The following ZNF599 variants were observed in gnomAD, a reference collection of about 807,000 sequenced individuals.
ZNF599 encodes the protein zinc finger protein 599.
ZNF599 carries 10 observed loss-of-function variants against 11.7 expected under a neutral mutation model. The ratio of observed to expected loss-of-function variants is 0.86; its 90% CI spans 0.53 to 1.45. The LOEUF (loss-of-function observed/expected upper bound fraction) is 1.45. Among genes scored for constraint, ZNF599 ranks in the 40% most tolerant of loss-of-function variants. The pLI, the probability that ZNF599 is intolerant of heterozygous loss-of-function variation, is 0.00. For synonymous variants in ZNF599, 232 were observed against 253.2 expected (o/e 0.92, Z 0.79); for missense variants, 688 against 713.6 (o/e 0.96, Z 0.41).
chr19:34,782,459 G>A, the ZNF599 span, among the ~76,000 whole-genome samples: 13 of 152,344 alleles, frequency 8.5e-5, no homozygotes, highest in African/African-American at 1.9e-4. Context: ...GAATTGCCCC[G>A]GAACTGGACA....
the ZNF599 span, among the ~76,000 whole-genome samples, chr19:34,780,589 A>T: frequency 7.0e-6 from 1 of 142,054 alleles, no homozygotes; most frequent in Non-Finnish European, 1.5e-5. Context: ...AGAGACAGGG[A>T]GGAGGGAGGA....
chr19:34,779,454 C>G, the ZNF599 span: 1 of 456,482 alleles, frequency 2.2e-6, no homozygotes, highest in Non-Finnish European at 4.4e-6. Flanking sequence ...AGAGTGAACT[C>G]TCTGATGTTT....
intron 3 of ZNF599, among the ~76,000 whole-genome samples, chr19:34,766,306 G>C (rs2069142580): frequency 6.6e-6 from 1 of 152,152 alleles, no homozygotes; most frequent in African/African-American, 2.4e-5. Flanking sequence ...GAGGTTTTTA[G>C]AAGACAGGAG....
chr19:34,773,029 G>A lies in ZNF599; in HGVS notation c.-188C>T. 1.5e-6 allele frequency: 1 copy of A among 655,794 alleles called. No homozygotes were observed. The highest frequency in any genetic ancestry group is 2.4e-6 in the Non-Finnish European group (1 of 412,936). The allele number at this position is 655,794 out of a possible 1,614,324, so 40.6% of individuals were successfully genotyped here. On this transcript the variant is annotated 5_prime_UTR_variant, in exon 1 of 4. Transcript: ENST00000329285. ...CACAGGGCTGTCGCCAAGGCCCCAG[G>A]AAGGGTTTTGCAGACGCTTGTGGGG...
Position 34,759,619 on chromosome 19 carries a change from G to T in ZNF599, c.1182C>A (p.Pro394=). The T allele has an allele frequency of 2.5e-6, 4 of 1,614,090 alleles. No homozygotes were observed. Among genetic ancestry groups the T allele is most frequent in the Non-Finnish European group, 3.4e-6 (4 of 1,180,012 alleles). Residue 394 remains proline, a synonymous_variant, in exon 4 of 4, where the codon CCC becomes CCA. Transcript: ENST00000329285. The part of the protein sequence containing the change: ...QHMRIHTGEK[P]YECGECGKAF... ...CCTTTCCACATTCACCGCACTCATA[G>T]GGTTTCTCTCCAGTGTGAATCCTCA...
At chr19:34,771,187 T>C (rs975648513) in intron 1 of ZNF599, among the ~76,000 whole-genome samples, 4 of 152,064 alleles carry the variant, frequency 2.6e-5, no homozygotes, top group Admixed American at 6.6e-5. Flanking sequence ...GTGGGGAGGA[T>C]TGCTAGTGAG....
rs529635623 is a variant in ZNF599 at position 34,771,116 on chromosome 19, T to TA, written c.19-1562dup. On this transcript the variant is annotated intron_variant, in intron 1 of 3. Transcript: ENST00000329285. ...ACAGTGAGCCCATCTCTACAAAAAA[T>TA]AAAAAAAATTAGCTGGGTGTGGTGG... is the stretch of plus-strand genomic sequence containing the variant. Among the ~76,000 whole-genome samples, 48 of 151,786 alleles carry TA rather than the reference T, an allele frequency of 3.2e-4. 1 individual carries two copies. The East Asian group carries it at 8.8e-3, about 28-fold the overall frequency.
chr19:34,805,847 T>G, the ZNF599 span, among the ~76,000 whole-genome samples: 1 of 152,296 alleles, frequency 6.6e-6, no homozygotes, highest in South Asian at 2.1e-4. Context: ...CTCTGAACAC[T>G]CCCTTCTAAG....
At chr19:34,793,877 G>GTT in the ZNF599 span, among the ~76,000 whole-genome samples, 1 of 152,170 alleles carries the variant, frequency 6.6e-6, no homozygotes, top group East Asian at 1.9e-4. Flanking sequence ...AGGGGTGGAG[G>GTT]TTCCAGTAAC....
chr19:34,774,279 G>A (rs555344215), upstream of ZNF599, among the ~76,000 whole-genome samples: 8 of 152,224 alleles, frequency 5.3e-5, no homozygotes, highest in East Asian at 1.2e-3. Flanking sequence ...ACCAGGATCT[G>A]ACCCCTCCCC....
chr19:34,801,182 A>C, the ZNF599 span, among the ~76,000 whole-genome samples: 25 of 152,212 alleles, frequency 1.6e-4, no homozygotes, highest in Admixed American at 7.9e-4. Context: ...GTTTATGTGG[A>C]TAAACCTCAT....
intron 3 of ZNF599, chr19:34,764,629 A>G (rs955508567): frequency 4.6e-5 from 7 of 152,356 alleles, no homozygotes; most frequent in Middle Eastern, 3.4e-3. Flanking sequence ...CTGAGTCATA[A>G]AGATTATCAA....
At chr19:34,790,598 G>C in the ZNF599 span, among the ~76,000 whole-genome samples, 3 of 152,156 alleles carry the variant, frequency 2.0e-5, no homozygotes, top group East Asian at 5.8e-4. Flanking sequence ...GGAAGGCCTG[G>C]GGGGAGGAGG....
At chr19:34,772,585 C>A in intron 1 of ZNF599, 1 of 1,337,542 alleles carries the variant, frequency 7.5e-7, no homozygotes, top group Non-Finnish European at 9.5e-7. Flanking sequence ...GGCAGCGAGG[C>A]GACAGCTCCA....
chr19:34,802,798 G>A, the ZNF599 span, among the ~76,000 whole-genome samples: 22 of 152,242 alleles, frequency 1.4e-4, no homozygotes, highest in Admixed American at 9.2e-4. Context: ...CCTCTGAGCC[G>A]CATGTCCCCA....
chr19:34,794,690 C>A, the ZNF599 span, among the ~76,000 whole-genome samples: 2 of 152,028 alleles, frequency 1.3e-5, no homozygotes. Flanking sequence ...CCCACCTCAG[C>A]CTTCCAAGTA....
At chr19:34,772,022 G>A (rs1242266472) in intron 1 of ZNF599, among the ~76,000 whole-genome samples, 1 of 152,200 alleles carries the variant, frequency 6.6e-6, no homozygotes, top group Non-Finnish European at 1.5e-5. Flanking sequence ...CAGACCAGGT[G>A]AGGAAAAATG....
At chr19:34,760,704 A>G in intron 3 of ZNF599, 145 bp from the exon 4 acceptor site, 1 of 791,864 alleles carries the variant, frequency 1.3e-6, no homozygotes, top group South Asian at 2.0e-5. Flanking sequence ...CAGGCTTGCA[A>G]TTTCTTTCCT....
At chr19:34,778,844 C>G in the ZNF599 span, among the ~76,000 whole-genome samples, 3 of 152,104 alleles carry the variant, frequency 2.0e-5, no homozygotes, top group Non-Finnish European at 4.4e-5. Context: ...AAATATCTAC[C>G]CAACCAACAT....
Sources: gnomAD v4.1 joint callset for allele counts (sites outside exome capture counted in the v4.1 genomes callset) on GRCh38, gnomAD v4.1.1 for gene constraint, MANE v1.5 for transcripts, NCBI Gene and HGNC (gene_info 2026-07-23, HGNC 2026-07-21) for gene names.